SEMA3B: variants seen among roughly 807,000 people sequenced by gnomAD.
SEMA3B encodes the protein semaphorin 3B.
Under a neutral mutation model 77.8 loss-of-function variants are expected in SEMA3B, and 71 were observed. The ratio of observed to expected loss-of-function variants is 0.91; its 90% CI spans 0.75 to 1.11. SEMA3B has a LOEUF of 1.11. Among genes scored for constraint, SEMA3B ranks in the 50% most tolerant of loss-of-function variants. SEMA3B has a pLI of 0.00. For synonymous variants in SEMA3B, 470 were observed against 452.9 expected (o/e 1.04, Z -0.48); for missense variants, 968 against 1,056.8 (o/e 0.92, Z 1.17).
Position 50,275,842 on chromosome 3 carries a change from C to G in SEMA3B, c.1843C>G (p.Gln615Glu). Residue 615 changes from glutamine to glutamate, a missense_variant and splice_region_variant, in exon 16 of 17, where the codon CAG becomes GAG. Physicochemically the swap from Gln to Glu is conservative, Grantham distance 29. Transcript: ENST00000616701. This position sits in a 1 kb window ranked among gnomAD's most constrained non-coding sequence, Gnocchi z 7.5. ...GCGCGCAGGGGTGACAGCCCACACC[C>G]AGGTGAGCCTTACTCCGCCCTCCCC... ...FQRAGVTAHT[Q>E]VLAEERTERT... 6.3e-7 allele frequency: 1 copy of G among 1,596,734 alleles called. No homozygotes were observed. The highest frequency in any genetic ancestry group is 8.5e-7 in the Non-Finnish European group (1 of 1,174,220).
In SEMA3B at chr3:50,269,210, C is replaced by A. The variant is rs1700976019; in HGVS notation, c.-31C>A. 4 of 1,484,184 alleles carry A rather than the reference C, an allele frequency of 2.7e-6. No homozygotes were observed. The highest frequency in any genetic ancestry group is 1.7e-4 in the Middle Eastern group (1 of 5,896). 91.9% of individuals were successfully genotyped at this position (1,484,184 alleles called of 1,614,324 possible). On this transcript the variant is annotated 5_prime_UTR_variant, in exon 1 of 17. Coordinates refer to ENST00000616701, the MANE Select transcript of SEMA3B (RefSeq NM_001290060.2). This position sits in a 1 kb window ranked among gnomAD's most constrained non-coding sequence, Gnocchi z 4.0. Reference sequence around the variant, plus strand: ...CTCAAGGCTCCTCCACACACACACCCGCTGAACCCTGAGCACCCTGAGCTG... The same window carrying A: ...CTCAAGGCTCCTCCACACACACACCAGCTGAACCCTGAGCACCCTGAGCTG...
In SEMA3B at chr3:50,273,848, G is replaced by C; in HGVS notation, c.992+20G>C. 2 of 1,567,962 alleles carry C rather than the reference G, an allele frequency of 1.3e-6. No individual in the cohort carries two copies. The highest frequency in any genetic ancestry group is 1.7e-6 in the Non-Finnish European group (2 of 1,155,150). ...GTCCAGGTGAGGGGCAGGAGGTAGG[G>C]AGCGCCCGGGGCGGGCCGCTGGGCT... On this transcript the variant is annotated intron_variant, in intron 9 of 16. Transcript: ENST00000616701. The surrounding 1 kb of genome is among the most constrained non-coding windows in gnomAD (Gnocchi z 6.5).
intron 6 of SEMA3B, among the ~76,000 whole-genome samples, chr3:50,272,432 C>T (rs1028314462): frequency 1.3e-5 from 2 of 149,456 alleles, no homozygotes; most frequent in African/African-American, 4.9e-5. Context: ...AAAAATTGGC[C>T]GGGTGCAGTG....
chr3:50,266,326 G>A (rs587638399), upstream of SEMA3B, among the ~76,000 whole-genome samples: 4 of 152,272 alleles, frequency 2.6e-5, no homozygotes, highest in Admixed American at 6.5e-5. Flanking sequence ...GGAAGCCCAC[G>A]AGCCCAGGCA....
chr3:50,271,045 G>T lies in SEMA3B; in HGVS notation c.450+36G>T, dbSNP rs991231137. On this transcript the variant is annotated intron_variant, in intron 4 of 16. Coordinates refer to ENST00000616701, the MANE Select transcript of SEMA3B (RefSeq NM_001290060.2). ...ATCTAGGCAGGGAGGGAGGTCAGGA[G>T]GGTAAGAAGGGCCTGGTAGTCACAA... 3.8e-6 allele frequency: 6 copies of T among 1,580,036 alleles called. No individual in the cohort carries two copies. In the African/African-American group the frequency reaches 8.1e-5, roughly 21 times the overall value.
chr3:50,263,877 C>A (rs998141328), upstream of SEMA3B, among the ~76,000 whole-genome samples: 1 of 151,744 alleles, frequency 6.6e-6, no homozygotes. Flanking sequence ...TCAAGAGAAC[C>A]CTGGGGTCAG....
Position 50,274,062 on chromosome 3 carries a change from G to A in SEMA3B, c.1137+5G>A, listed in dbSNP as rs782111181. 1.9e-6 allele frequency: 3 copies of A among 1,612,614 alleles called. No homozygotes were observed. The highest frequency in any genetic ancestry group is 3.4e-5 in the Admixed American group (2 of 59,600). Reference sequence around the variant, plus strand: ...CCCTACCCGCGGCCAGGCATGGTTCGTAGCCCAGGGACTTCTGCTACAACC... The same window carrying A: ...CCCTACCCGCGGCCAGGCATGGTTCATAGCCCAGGGACTTCTGCTACAACC... On this transcript the variant is annotated splice_donor_5th_base_variant and intron_variant, in intron 10 of 16. Coordinates refer to ENST00000616701, the MANE Select transcript of SEMA3B (RefSeq NM_001290060.2). This position sits in a 1 kb window ranked among gnomAD's most constrained non-coding sequence, Gnocchi z 4.7.
intron 6 of SEMA3B, among the ~76,000 whole-genome samples, chr3:50,272,402 C>T (rs1211653261): frequency 6.6e-6 from 1 of 151,662 alleles, no homozygotes; most frequent in East Asian, 2.0e-4. Context: ...TGGTGAAACC[C>T]TGTCTCTACT....
In SEMA3B at chr3:50,273,529, C is replaced by G; in HGVS notation, c.811-6C>G. The G allele has an allele frequency of 6.2e-7, 1 of 1,612,050 alleles. No individual in the cohort carries two copies. The highest frequency in any genetic ancestry group is 8.5e-7 in the Non-Finnish European group (1 of 1,178,824). ...TCGCCCTCATCCCCTTTGATCGTCC[C>G]GGCAGAACGACGTGGGCGGCCAGCG... is the stretch of plus-strand genomic sequence containing the variant. On this transcript the variant is annotated splice_region_variant and splice_polypyrimidine_tract_variant and intron_variant, in intron 7 of 16. Transcript: ENST00000616701. The surrounding 1 kb of genome is among the most constrained non-coding windows in gnomAD (Gnocchi z 6.5).
upstream of SEMA3B, among the ~76,000 whole-genome samples, chr3:50,267,929 T>C (rs1237327247): frequency 6.6e-6 from 1 of 152,072 alleles, no homozygotes; most frequent in Non-Finnish European, 1.5e-5. This position sits in a 1 kb window ranked among gnomAD's most constrained non-coding sequence, Gnocchi z 5.7. Flanking sequence ...TGGGCTCCTG[T>C]GTCCAGCACC....
In SEMA3B at chr3:50,272,864, T is replaced by A. The variant is rs182623934; in HGVS notation, c.665-434T>A. On this transcript the variant is annotated intron_variant, in intron 6 of 16. Coordinates refer to ENST00000616701, the MANE Select transcript of SEMA3B (RefSeq NM_001290060.2). Reference sequence around the variant, plus strand: ...AAATAAATAAATAAACAAATAATAATAATAATAATAATAATAAAGAGCAAT... The same window carrying A: ...AAATAAATAAATAAACAAATAATAAAAATAATAATAATAATAAAGAGCAAT... Among the ~76,000 whole-genome samples, 810 of 149,110 alleles carry A rather than the reference T, an allele frequency of 5.4e-3. 12 individuals carry two copies. Among genetic ancestry groups the A allele is most frequent in the African/African-American group, 0.019 (762 of 40,838 alleles).
Position 50,270,205 on chromosome 3 carries a change from AGCGTGGAC to A in SEMA3B, c.191_198del (p.Arg64ProfsTer46). 1 of 1,607,694 alleles carries A rather than the reference AGCGTGGAC, an allele frequency of 6.2e-7. No homozygotes were observed. On this transcript the variant is annotated frameshift_variant, in exon 2 of 17. Coordinates refer to ENST00000616701, the MANE Select transcript of SEMA3B (RefSeq NM_001290060.2). LOFTEE classifies it high-confidence loss of function. This position sits in a 1 kb window ranked among gnomAD's most constrained non-coding sequence, Gnocchi z 4.7. The stretch of plus-strand genomic sequence containing the variant: ...TACCAGGCCTTGCTGGTGGATGAGG[AGCGTGGAC>A]GCCTGTTTGTGGGTGCCGAGAACCA...
upstream of SEMA3B, chr3:50,263,502 A>G (rs1700857885): frequency 6.8e-6 from 1 of 147,008 alleles, no homozygotes; most frequent in African/African-American, 2.5e-5. Flanking sequence ...CTGTCTCAAA[A>G]AAAAAAAAAA....
rs371136009 is a variant in SEMA3B, at chr3:50,274,433, G to A, written c.1208G>A (p.Arg403Gln). Residue 403 changes from arginine to glutamine, a missense_variant, in exon 11 of 17, where the codon CGG becomes CAG. Physicochemically the swap from Arg to Gln is conservative, Grantham distance 43. Coordinates refer to ENST00000616701, the MANE Select transcript of SEMA3B (RefSeq NM_001290060.2). This position sits in a 1 kb window ranked among gnomAD's most constrained non-coding sequence, Gnocchi z 4.7. ...DFPDDVIQFA[R>Q]NHPLMYNSVL... ...CCAGACGATGTCATCCAGTTTGCGCGGAACCACCCCCTCATGTACAACTCT... is the reference window on the plus strand; with the variant it reads ...CCAGACGATGTCATCCAGTTTGCGCAGAACCACCCCCTCATGTACAACTCT... 3 of 1,518,776 alleles carry A rather than the reference G, an allele frequency of 2.0e-6. No individual in the cohort carries two copies. Among genetic ancestry groups the A allele is most frequent in the South Asian group, 2.7e-5 (2 of 75,364 alleles). 94.1% of individuals were successfully genotyped at this position (1,518,776 alleles called of 1,614,324 possible).
intron 6 of SEMA3B, 101 bp downstream of exon 6, chr3:50,271,581 T>C (rs987126743): frequency 3.4e-6 from 5 of 1,488,554 alleles, no homozygotes; most frequent in Admixed American, 4.1e-5. Context: ...TGTGGCCAGG[T>C]CTTACCAAAT....
chr3:50,265,293 C>T (rs910281134), upstream of SEMA3B, among the ~76,000 whole-genome samples: 4 of 152,212 alleles, frequency 2.6e-5, no homozygotes, highest in Non-Finnish European at 5.9e-5. Flanking sequence ...AGAGTTGTGA[C>T]GTTGGAGCCA....
At chr3:50,268,651 C>T (rs1700963482), upstream of SEMA3B, among the ~76,000 whole-genome samples, 1 of 152,264 alleles carries the variant, frequency 6.6e-6, no homozygotes, top group South Asian at 2.1e-4. Flanking sequence ...GCTCCAGCCT[C>T]AAAAGTGTCT....
At chr3:50,271,932 C>G (rs1481808749) in intron 6 of SEMA3B, among the ~76,000 whole-genome samples, 1 of 152,126 alleles carries the variant, frequency 6.6e-6, no homozygotes, top group African/African-American at 2.4e-5. Context: ...ACTTGCAGAG[C>G]TAGCAATGAA....
At position 50,276,955 on chromosome 3, in the gene SEMA3B, G is replaced by C. The variant is rs907481766; in HGVS notation, c.*249G>C. The C allele has an allele frequency of 2.2e-6, 1 of 461,130 alleles. No homozygotes were observed. The highest frequency in any genetic ancestry group is 3.7e-6 in the Non-Finnish European group (1 of 269,038). The allele number at this position is 461,130 out of a possible 1,614,324, so 28.6% of individuals were successfully genotyped here. On this transcript the variant is annotated 3_prime_UTR_variant, in exon 17 of 17. Transcript: ENST00000616701. The surrounding 1 kb of genome is among the most constrained non-coding windows in gnomAD (Gnocchi z 5.8). The stretch of plus-strand genomic sequence containing the variant: ...AGGATTCAGCCGGAGGGAAGGGACG[G>C]GGAAGCCGAGCTCCAGAGCAACGAC...
Sources: gnomAD v4.1 joint callset for allele counts (sites outside exome capture counted in the v4.1 genomes callset) on GRCh38, gnomAD v4.1.1 for gene constraint, Gnocchi (gnomAD v3.1) non-coding constraint, MANE v1.5 for transcripts, NCBI Gene and HGNC (gene_info 2026-07-23, HGNC 2026-07-21) for gene names.